The following CNTNAP4 variants were observed in gnomAD, a reference collection of about 807,000 sequenced individuals.
CNTNAP4 encodes contactin associated protein family member 4.
Under a neutral mutation model 148.4 loss-of-function variants are expected in CNTNAP4, and 98 were observed. The ratio of observed to expected loss-of-function variants is 0.66; its 90% confidence interval spans 0.56 to 0.78. The LOEUF (loss-of-function observed/expected upper bound fraction) is 0.78, where lower values mean the gene tolerates loss of function less well. CNTNAP4 is among the 30% of genes least tolerant of loss of function. The pLI is 0.00. For synonymous variants in CNTNAP4, 730 were observed against 565.1 expected (o/e 1.29, Z -4.14); for missense variants, 1,935 against 1,565.6 (o/e 1.24, Z -3.98).
chr16:76,465,062 C>G (rs8057122), intron 9 of CNTNAP4, among the ~76,000 whole-genome samples: 8,469 of 152,216 alleles, frequency 0.056, 633 homozygotes, highest in African/African-American at 0.18. Flanking sequence ...CAAACATTCT[C>G]CATCCAATGA....
chr16:76,329,198 T>A (rs911670975), intron 2 of CNTNAP4, among the ~76,000 whole-genome samples: 1 of 152,156 alleles, frequency 6.6e-6, no homozygotes, highest in African/African-American at 2.4e-5. Context: ...ATGCAAAAAT[T>A]AATATGGACT....
intron 3 of CNTNAP4, among the ~76,000 whole-genome samples, chr16:76,381,548 A>G (rs932954111): frequency 2.6e-5 from 4 of 152,152 alleles, no homozygotes; most frequent in South Asian, 4.1e-4. Flanking sequence ...GTGATCGTCA[A>G]TTTCATCTAG....
intron 9 of CNTNAP4, among the ~76,000 whole-genome samples, chr16:76,466,625 T>C (rs2081184755): frequency 6.6e-6 from 1 of 152,068 alleles, no homozygotes; most frequent in Non-Finnish European, 1.5e-5. Context: ...ACATTTAGAA[T>C]GTCATTAGAC....
intron 4 of CNTNAP4, among the ~76,000 whole-genome samples, chr16:76,433,520 T>C (rs1468776525): frequency 6.6e-6 from 1 of 152,160 alleles, no homozygotes; most frequent in Non-Finnish European, 1.5e-5. Flanking sequence ...GTTGGAATTA[T>C]AACCATCAGC....
At chr16:76,374,293 A>T (rs1240184026) in intron 3 of CNTNAP4, among the ~76,000 whole-genome samples, 1 of 151,918 alleles carries the variant, frequency 6.6e-6, no homozygotes, top group Non-Finnish European at 1.5e-5. Flanking sequence ...AGTTTCAGAG[A>T]AAAGAATCTT....
At chr16:76,376,015 T>C (rs774953861) in intron 3 of CNTNAP4, among the ~76,000 whole-genome samples, 4 of 151,920 alleles carry the variant, frequency 2.6e-5, no homozygotes, top group Non-Finnish European at 4.4e-5. Context: ...TGAAAGAGTT[T>C]GTGTGAAAGT....
intron 14 of CNTNAP4, among the ~76,000 whole-genome samples, chr16:76,497,038 C>G (rs1434781970): frequency 6.6e-6 from 1 of 152,054 alleles, no homozygotes; most frequent in African/African-American, 2.4e-5. Context: ...ATAACAAATT[C>G]TAATAGAAAT....
At chr16:76,402,656 A>G (rs9932285) in intron 3 of CNTNAP4, among the ~76,000 whole-genome samples, 2,222 of 152,086 alleles carry the variant, frequency 0.015, 41 homozygotes, top group African/African-American at 0.043. Context: ...TAGGTTGTTA[A>G]TTTTAGATCT....
intron 3 of CNTNAP4, among the ~76,000 whole-genome samples, chr16:76,379,063 C>A (rs1284877992): frequency 6.6e-6 from 1 of 152,258 alleles, no homozygotes; most frequent in South Asian, 2.1e-4. Flanking sequence ...GTTCATGTGA[C>A]CTTTAGGGTT....
chr16:76,314,308 G>A (rs1339910338), intron 1 of CNTNAP4, among the ~76,000 whole-genome samples: 2 of 152,192 alleles, frequency 1.3e-5, no homozygotes, highest in African/African-American at 2.4e-5. Context: ...AGCTTTCAGA[G>A]CGAGTCCGCA....
At chr16:76,536,530 A>C (rs957905725) in intron 18 of CNTNAP4, among the ~76,000 whole-genome samples, 2 of 152,308 alleles carry the variant, frequency 1.3e-5, no homozygotes, top group Admixed American at 1.3e-4. Flanking sequence ...ATATTCAACA[A>C]TGCAAGGATA....
Position 76,404,918 on chromosome 16 carries a change from G to C in CNTNAP4, c.391-22534G>C, listed in dbSNP as rs528192077. 9.2e-5 allele frequency among the ~76,000 whole-genome samples: 14 copies of C among 152,182 alleles called. No individual in the cohort carries two copies. In the South Asian group the frequency reaches 1.5e-3, roughly 16 times the overall value. ...AATGGTAACTAATGAGGTGATGGGT[G>C]TATTCATTAGCTTGATTAACTCTTT... On this transcript the variant is annotated intron_variant, in intron 3 of 23. Transcript: ENST00000611870.
In CNTNAP4 at chr16:76,540,748, G is replaced by A. The variant is rs1269739752; in HGVS notation, c.3400G>A (p.Glu1134Lys). The change falls in exon 21 of 24, where the codon GAA (glutamate) becomes AAA (lysine). Residue 1134 changes from glutamate (E) to lysine (K), a missense_variant. Coordinates refer to ENST00000611870, the MANE Select transcript of CNTNAP4 (RefSeq NM_033401.5). ...RRQVHLSSGT[E>K]FSAVKSLVLG... ...ACAAGTTCACCTGTCATCAGGCACA[G>A]AATTCAGTGCAGTCAAATCTCTGGT... The A allele has an allele frequency of 6.3e-7, 1 of 1,577,918 alleles. No individual in the cohort carries two copies. Among genetic ancestry groups the A allele is most frequent in the Non-Finnish European group, 8.6e-7 (1 of 1,159,948 alleles).
intron 1 of CNTNAP4, among the ~76,000 whole-genome samples, chr16:76,289,581 G>GC (rs1158354910): frequency 1.4e-5 from 2 of 139,514 alleles, no homozygotes; most frequent in Non-Finnish European, 3.1e-5. Flanking sequence ...TTTTCCGCCT[G>GC]TTTTTTTTTG....
chr16:76,341,258 C>T (rs895989616), intron 2 of CNTNAP4, among the ~76,000 whole-genome samples: 1 of 152,146 alleles, frequency 6.6e-6, no homozygotes, highest in African/African-American at 2.4e-5. Context: ...TGTCCTTCCA[C>T]CTAGCACAAA....
At chr16:76,454,086 C>T (rs992876442) in intron 8 of CNTNAP4, among the ~76,000 whole-genome samples, 1 of 150,944 alleles carries the variant, frequency 6.6e-6, no homozygotes, top group Non-Finnish European at 1.5e-5. Context: ...CTTTGGGGAG[C>T]TCCATGAAGT....
chr16:76,490,155 G>T (rs1192057576), intron 13 of CNTNAP4, among the ~76,000 whole-genome samples: 1 of 152,174 alleles, frequency 6.6e-6, no homozygotes, highest in Non-Finnish European at 1.5e-5. Flanking sequence ...TACAGCAAAG[G>T]CCTCCTTCTG....
In CNTNAP4 at chr16:76,508,528, C is replaced by CT. The variant is rs11323893; in HGVS notation, c.2365+9845dup. 3.1e-3 allele frequency among the ~76,000 whole-genome samples: 257 copies of CT among 83,126 alleles called. 36 individuals are homozygous for CT. Among genetic ancestry groups the CT allele is most frequent in the African/African-American group, 6.1e-3 (217 of 35,344 alleles). 54.5% of individuals were successfully genotyped at this position (83,126 alleles called of 152,430 possible). On this transcript the variant is annotated intron_variant, in intron 15 of 23. Transcript: ENST00000611870. ...ATAGATTATTTTATGGTCTATTTTGCTTTTTTTTTTTGTTCACTTTTTTAT... is the reference window on the plus strand; with the variant it reads ...ATAGATTATTTTATGGTCTATTTTGCTTTTTTTTTTTTGTTCACTTTTTTAT...
intron 18 of CNTNAP4, 49 bp from the exon 19 acceptor site, chr16:76,538,067 T>A (rs1015463814): frequency 2.4e-6 from 2 of 846,868 alleles, no homozygotes; most frequent in African/African-American, 3.6e-5. Flanking sequence ...TAAAACAAAA[T>A]CCTTGTACTT....
Sources: gnomAD v4.1 joint callset for allele counts (sites outside exome capture counted in the v4.1 genomes callset) on GRCh38, gnomAD v4.1.1 for gene constraint, MANE v1.5 for transcripts, NCBI Gene and HGNC (gene_info 2026-07-23, HGNC 2026-07-21) for gene names.